The following CACNB4 variants were observed in gnomAD, a reference collection of about 807,000 sequenced individuals.
CACNB4 encodes the protein voltage-dependent L-type calcium channel subunit beta-4.
Under a neutral mutation model 71.2 loss-of-function variants are expected in CACNB4, and 32 were observed. That is an observed-to-expected ratio of 0.45 (90% confidence interval 0.34 to 0.60). CACNB4 has a LOEUF of 0.60. Among genes scored for constraint, CACNB4 ranks in the 20% least tolerant of loss-of-function variants. The pLI is 0.01. For missense variants in CACNB4, 464 were observed against 647.9 expected (o/e 0.72, Z 3.08); for synonymous variants, 231 against 236.9 (o/e 0.97, Z 0.23).
intron 2 of CACNB4, among the ~76,000 whole-genome samples, chr2:152,016,995 C>CGGCCGGGCGCGGTGGCTCATGCCTGT (rs1560134856): frequency 6.6e-6 from 1 of 150,726 alleles, no homozygotes; most frequent in African/African-American, 2.5e-5. Flanking sequence ...GGTAGAACTG[C>CGGCCGGGCGCGGTGGCTCATGCCTGT]AAGTTTAACC....
At chr2:151,914,278 G>A (rs992869895) in intron 2 of CACNB4, among the ~76,000 whole-genome samples, 1 of 151,978 alleles carries the variant, frequency 6.6e-6, no homozygotes, top group African/African-American at 2.4e-5. Context: ...TGATACTTGT[G>A]TATGCTTCAC....
intron 2 of CACNB4, among the ~76,000 whole-genome samples, chr2:152,062,417 GTCTC>G (rs1686071402): frequency 6.6e-6 from 1 of 152,100 alleles, no homozygotes; most frequent in Non-Finnish European, 1.5e-5. Flanking sequence ...TTTTGATCCA[GTCTC>G]TCTATGTACT....
Position 151,996,731 on chromosome 2 carries a change from CAG to C in CACNB4, c.147+101597_147+101598del, listed in dbSNP as rs576683709. Among the ~76,000 whole-genome samples the C allele has an allele frequency of 1.6e-3, 239 of 152,252 alleles. 1 individual carries two copies. The highest frequency in any genetic ancestry group is 4.1e-3 in the South Asian group (20 of 4,824). On this transcript the variant is annotated intron_variant, in intron 2 of 13. Coordinates refer to ENST00000539935, the MANE Select transcript of CACNB4 (RefSeq NM_000726.5). ...CCATGATTAAAGAAGGCAGAAACCT[CAG>C]AATATTTTTCTTATTTTCTGTCACT...
chr2:152,081,115 A>G (rs1320234519), intron 2 of CACNB4, among the ~76,000 whole-genome samples: 1 of 152,194 alleles, frequency 6.6e-6, no homozygotes, highest in African/African-American at 2.4e-5. Flanking sequence ...CACTCTTGTG[A>G]TATCATACAC....
At chr2:151,850,641 C>A (rs969439890) in intron 12 of CACNB4, 3 of 152,176 alleles carry the variant, frequency 2.0e-5, no homozygotes, top group Non-Finnish European at 4.4e-5. Context: ...ACATGTTCCA[C>A]TGGACCCATA....
intron 2 of CACNB4, among the ~76,000 whole-genome samples, chr2:152,040,620 T>C (rs1165418100): frequency 6.6e-6 from 1 of 152,158 alleles, no homozygotes; most frequent in Non-Finnish European, 1.5e-5. Flanking sequence ...TTTTGTATTT[T>C]TAGTAGAGAC....
intron 2 of CACNB4, among the ~76,000 whole-genome samples, chr2:151,930,231 C>A (rs555054465): frequency 6.6e-6 from 1 of 152,212 alleles, no homozygotes; most frequent in African/African-American, 2.4e-5. Flanking sequence ...AAATGAAGCT[C>A]TTCAAAACTG....
intron 2 of CACNB4, among the ~76,000 whole-genome samples, chr2:151,919,255 A>C (rs1304617840): frequency 2.0e-5 from 3 of 152,192 alleles, no homozygotes; most frequent in East Asian, 1.9e-4. Flanking sequence ...TGAGTGAGAC[A>C]AGGTCTCACT....
intron 2 of CACNB4, among the ~76,000 whole-genome samples, chr2:151,933,647 T>TC (rs1451160805): frequency 6.6e-6 from 1 of 151,982 alleles, no homozygotes; most frequent in African/African-American, 2.4e-5. Context: ...CTACTCAGGC[T>TC]CCCCCTCACA....
At chr2:152,092,730 T>C (rs959595664) in intron 2 of CACNB4, among the ~76,000 whole-genome samples, 1 of 152,076 alleles carries the variant, frequency 6.6e-6, no homozygotes, top group Non-Finnish European at 1.5e-5. Context: ...TGTAGTATAA[T>C]ATATAGTAGT....
chr2:151,974,448 A>T (rs963637263), intron 2 of CACNB4, among the ~76,000 whole-genome samples: 7 of 152,242 alleles, frequency 4.6e-5, no homozygotes, highest in Non-Finnish European at 5.9e-5. Context: ...AGTTTTCAAT[A>T]TTCTCGTTGA....
chr2:151,883,144 G>T, intron 3 of CACNB4, 107 bp downstream of exon 3: 1 of 1,198,542 alleles, frequency 8.3e-7, no homozygotes, highest in Non-Finnish European at 1.2e-6. Flanking sequence ...AGCCTTGTTA[G>T]AATAATCACA....
Position 151,845,493 on chromosome 2 carries a change from T to C in CACNB4, c.1117-3405A>G, listed in dbSNP as rs72868012. On this transcript the variant is annotated intron_variant, in intron 12 of 13. Transcript: ENST00000539935. The stretch of plus-strand genomic sequence containing the variant: ...ACTCAGTATCAGGGAAAACAATTTT[T>C]AAAAATCATACAAGAAATGCAAAAA... Among the ~76,000 whole-genome samples the C allele has an allele frequency of 6.7e-3, 1,017 of 152,318 alleles. 6 individuals are homozygous for C. Among genetic ancestry groups the C allele is most frequent in the Non-Finnish European group, 0.011 (737 of 68,032 alleles).
intron 2 of CACNB4, among the ~76,000 whole-genome samples, chr2:151,934,868 T>C (rs1438748856): frequency 6.6e-6 from 1 of 152,232 alleles, no homozygotes; most frequent in Non-Finnish European, 1.5e-5. Flanking sequence ...TTACCATTTC[T>C]ATGATCCACA....
rs1242612319 is a variant in CACNB4, at chr2:152,098,333, T to C, written c.144A>G (p.Arg48=). 7 of 1,612,766 alleles carry C rather than the reference T, an allele frequency of 4.3e-6. No homozygotes were observed. Among genetic ancestry groups the C allele is most frequent in the Non-Finnish European group, 5.1e-6 (6 of 1,178,834 alleles). The change falls in exon 2 of 14, where the codon AGA becomes AGG. Residue 48 remains arginine (R), a synonymous_variant. Transcript: ENST00000539935. The surrounding 1 kb of genome is among the most constrained non-coding windows in gnomAD (Gnocchi z 5.3). ...GSTTSTSFIL[R]QGSADSYTSR... is the part of the protein sequence containing the mutation. ...GTCTCCCGCCTCCTTCTCATACCTGTCTGAGGATGAAGCTGGTCGAAGTGG... is the reference window on the plus strand; with the variant it reads ...GTCTCCCGCCTCCTTCTCATACCTGCCTGAGGATGAAGCTGGTCGAAGTGG...
chr2:152,036,449 G>A (rs954589400), intron 2 of CACNB4, among the ~76,000 whole-genome samples: 2 of 152,074 alleles, frequency 1.3e-5, no homozygotes, highest in Non-Finnish European at 2.9e-5. Flanking sequence ...ACAGGCGCGC[G>A]CCACCATGCC....
chr2:151,949,744 G>C (rs2099866455), intron 2 of CACNB4, among the ~76,000 whole-genome samples: 1 of 152,140 alleles, frequency 6.6e-6, no homozygotes, highest in African/African-American at 2.4e-5. Flanking sequence ...GATCAGATTT[G>C]CATTTTAAAG....
intron 2 of CACNB4, among the ~76,000 whole-genome samples, chr2:152,077,241 C>G (rs750674595): frequency 1.3e-5 from 2 of 151,916 alleles, no homozygotes; most frequent in African/African-American, 4.8e-5. Flanking sequence ...GCCAAAATGG[C>G]GAAACCTTGT....
intron 2 of CACNB4, among the ~76,000 whole-genome samples, chr2:151,926,404 T>C (rs2099860277): frequency 6.6e-6 from 1 of 152,112 alleles, no homozygotes; most frequent in South Asian, 2.1e-4. Flanking sequence ...CACTAGATTA[T>C]GGGGGCAAAA....
Sources: allele counts gnomAD v4.1 joint callset (sites outside exome capture counted in the v4.1 genomes callset), GRCh38; gene constraint gnomAD v4.1.1; non-coding constraint Gnocchi (gnomAD v3.1); transcripts MANE v1.5; gene names NCBI Gene and HGNC (gene_info 2026-07-23, HGNC 2026-07-21).